CHRM2: variants seen among roughly 807,000 people sequenced by gnomAD.
CHRM2 encodes muscarinic acetylcholine receptor M2.
Under a neutral mutation model 25.0 loss-of-function variants are expected in CHRM2, and 8 were observed. The ratio of observed to expected loss-of-function variants is 0.32; its 90% CI spans 0.19 to 0.58. The LOEUF (loss-of-function observed/expected upper bound fraction) is 0.58. CHRM2 is among the 20% of genes least tolerant of loss of function. CHRM2 has a pLI of 0.88. For synonymous variants in CHRM2, 202 were observed against 205.7 expected, an observed-to-expected ratio of 0.98 and a Z score of 0.15; for missense variants, 440 against 567.1, an observed-to-expected ratio of 0.78 and a Z score of 2.28.
intron 2 of CHRM2, among the ~76,000 whole-genome samples, chr7:136,885,530 C>T (rs928821447): frequency 3.9e-5 from 6 of 152,134 alleles, no homozygotes; most frequent in Admixed American, 1.3e-4. Flanking sequence ...ATACCAAGAT[C>T]GTGTAAGTGC....
intron 3 of CHRM2, among the ~76,000 whole-genome samples, chr7:136,995,618 C>T (rs560898695): frequency 1.6e-3 from 249 of 151,780 alleles, no homozygotes; most frequent in African/African-American, 5.8e-3. Context: ...AAAAACATTA[C>T]CCAGGTGTGG....
At chr7:136,933,045 AAT>A (rs1799203319) in intron 2 of CHRM2, among the ~76,000 whole-genome samples, 1 of 113,032 alleles carries the variant, frequency 8.8e-6, no homozygotes, top group Non-Finnish European at 2.1e-5. Context: ...TAAATAAATA[AAT>A]ACATAAATAA....
intron 2 of CHRM2, among the ~76,000 whole-genome samples, chr7:136,989,990 A>G (rs1359133187): frequency 2.6e-5 from 4 of 152,026 alleles, no homozygotes; most frequent in Non-Finnish European, 5.9e-5. Flanking sequence ...TTGAACTTAC[A>G]TGCACTGCAG....
chr7:136,926,884 G>C (rs750795354), intron 2 of CHRM2, among the ~76,000 whole-genome samples: 1 of 152,178 alleles, frequency 6.6e-6, no homozygotes, highest in Non-Finnish European at 1.5e-5. Flanking sequence ...GATAAACTTA[G>C]AAAACCAAGC....
At chr7:137,004,865 C>T (rs1804315166) in intron 3 of CHRM2, among the ~76,000 whole-genome samples, 2 of 152,214 alleles carry the variant, frequency 1.3e-5, no homozygotes, top group South Asian at 2.1e-4. Flanking sequence ...CATGGGATAA[C>T]ACTGCGGTCA....
intron 2 of CHRM2, among the ~76,000 whole-genome samples, chr7:136,925,258 G>A (rs553792975): frequency 1.3e-5 from 2 of 152,060 alleles, no homozygotes; most frequent in South Asian, 4.2e-4. Context: ...CTATCCAACC[G>A]GATGCCAGAT....
At chr7:136,994,542 T>TTTTTTTTTTTTTTTTTTC (rs1803459577) in intron 3 of CHRM2, among the ~76,000 whole-genome samples, 1 of 145,790 alleles carries the variant, frequency 6.9e-6, no homozygotes, top group African/African-American at 2.5e-5. Flanking sequence ...TTTTTTTTTT[T>TTTTTTTTTTTTTTTTTTC]TTTTTGAGAC....
At chr7:136,907,258 T>C (rs1218713177) in intron 2 of CHRM2, among the ~76,000 whole-genome samples, 2 of 151,948 alleles carry the variant, frequency 1.3e-5, no homozygotes, top group Non-Finnish European at 2.9e-5. Flanking sequence ...AGACCCCTGC[T>C]TTAGATGACT....
rs1797378305 is a variant in CHRM2, at chr7:136,903,878, A to G, written c.-125+34460A>G. Reference sequence around the variant, plus strand: ...TGATATTAAGGAGATGACCTTTATCAAATGTTTTATTTTTCTTGTATTGGA... The same window carrying G: ...TGATATTAAGGAGATGACCTTTATCGAATGTTTTATTTTTCTTGTATTGGA... On this transcript the variant is annotated intron_variant, in intron 2 of 3. Transcript: ENST00000680005. Among the ~76,000 whole-genome samples the G allele has an allele frequency of 2.0e-5, 3 of 151,856 alleles. No homozygotes were observed. In the South Asian group the frequency reaches 6.2e-4, roughly 31 times the overall value.
chr7:136,977,325 T>C (rs1802168274), intron 2 of CHRM2, among the ~76,000 whole-genome samples: 1 of 152,204 alleles, frequency 6.6e-6, no homozygotes, highest in South Asian at 2.1e-4. Context: ...CTAACTTCTC[T>C]TCTTAGGATT....
At position 137,016,552 on chromosome 7, in the gene CHRM2, G is replaced by T; in HGVS notation, c.*286G>T. The T allele has an allele frequency of 2.6e-6, 1 of 390,352 alleles. No individual in the cohort carries two copies. The highest frequency in any genetic ancestry group is 4.9e-6 in the Non-Finnish European group (1 of 204,722). The allele number at this position is 390,352 out of a possible 1,614,324, so 24.2% of individuals were successfully genotyped here. A position where few individuals can be genotyped will look rare whatever the true frequency, so the allele number is the denominator to read the frequency against. Reference sequence around the variant, plus strand: ...TGTTTCTCATAATCTCTTGAAGAAGGGCTTCTGATTCTACAATTTTATCAG... The same window carrying T: ...TGTTTCTCATAATCTCTTGAAGAAGTGCTTCTGATTCTACAATTTTATCAG... On this transcript the variant is annotated 3_prime_UTR_variant, in exon 4 of 4. Transcript: ENST00000680005.
At chr7:136,914,252 C>T (rs1797988927) in intron 2 of CHRM2, 1 of 151,900 alleles carries the variant, frequency 6.6e-6, no homozygotes, top group African/African-American at 2.4e-5. Flanking sequence ...CATCTAGTCT[C>T]CAGGTGATTG....
At chr7:136,976,930 G>A (rs1802143781) in intron 2 of CHRM2, among the ~76,000 whole-genome samples, 1 of 152,140 alleles carries the variant, frequency 6.6e-6, no homozygotes, top group Non-Finnish European at 1.5e-5. Context: ...TCTACTCACT[G>A]AGTTTTGTTT....
At chr7:136,874,806 G>A (rs913995806) in intron 2 of CHRM2, among the ~76,000 whole-genome samples, 1 of 151,818 alleles carries the variant, frequency 6.6e-6, no homozygotes, top group Non-Finnish European at 1.5e-5. Flanking sequence ...CATGTCAAAT[G>A]TTGTTTACTA....
At chr7:136,982,319 T>C (rs1802542962) in intron 2 of CHRM2, among the ~76,000 whole-genome samples, 1 of 152,218 alleles carries the variant, frequency 6.6e-6, no homozygotes, top group African/African-American at 2.4e-5. Flanking sequence ...CATCCTTTTA[T>C]TTTGAGCCTA....
intron 2 of CHRM2, among the ~76,000 whole-genome samples, chr7:136,941,991 T>C (rs951815426): frequency 6.6e-6 from 1 of 152,160 alleles, no homozygotes; most frequent in Non-Finnish European, 1.5e-5. Flanking sequence ...ACTTTCTATC[T>C]TTTAGATGCT....
chr7:137,015,146 T>A lies in CHRM2; in HGVS notation c.281T>A (p.Val94Glu). The change falls in exon 4 of 4, where the codon GTG becomes GAG. Residue 94 changes from valine (V) to glutamate (E), a missense_variant. Coordinates refer to ENST00000680005, the MANE Select transcript of CHRM2 (RefSeq NM_001006630.2). The surrounding 1 kb of genome is among the most constrained non-coding windows in gnomAD (Gnocchi z 5.1). ...ATTGGTTACTGGCCTTTGGGACCTG[T>A]GGTGTGTGACCTTTGGCTAGCCCTG... ...TVIGYWPLGP[V>E]VCDLWLALDY... 1 of 1,613,576 alleles carries A rather than the reference T, an allele frequency of 6.2e-7. No individual in the cohort carries two copies.
At chr7:136,933,761 T>C (rs1799251310) in intron 2 of CHRM2, among the ~76,000 whole-genome samples, 1 of 152,142 alleles carries the variant, frequency 6.6e-6, no homozygotes, top group African/African-American at 2.4e-5. Flanking sequence ...AGCACTTATA[T>C]ATGAGGTAAT....
chr7:136,912,385 C>A (rs1245826747), intron 2 of CHRM2, among the ~76,000 whole-genome samples: 3 of 151,928 alleles, frequency 2.0e-5, no homozygotes, highest in African/African-American at 7.2e-5. Context: ...TGTCCTCTTG[C>A]TGATCCATGT....
Sources: allele counts gnomAD v4.1 joint callset (sites outside exome capture counted in the v4.1 genomes callset), GRCh38; gene constraint gnomAD v4.1.1; non-coding constraint Gnocchi (gnomAD v3.1); transcripts MANE v1.5; gene names NCBI Gene and HGNC (gene_info 2026-07-23, HGNC 2026-07-21).